The following PRR5 variants were observed in gnomAD, a reference collection of about 807,000 sequenced individuals.
PRR5 encodes proline rich 5.
PRR5 carries 25 observed loss-of-function variants against 30.6 expected under a neutral mutation model. That is an observed-to-expected ratio of 0.82 (90% CI 0.60 to 1.14). The LOEUF is 1.14. Among genes scored for constraint, PRR5 ranks in the 50% most tolerant of loss-of-function variants. The probability of loss-of-function intolerance (pLI) is 0.00; values close to 1 mark genes in which losing one functional copy is unlikely to be tolerated. For synonymous variants in PRR5, 286 were observed against 247.1 expected (o/e 1.16, Z -1.48); for missense variants, 600 against 547.1 (o/e 1.10, Z -0.96).
intron 4 of PRR5, 118 bp from the exon 5 acceptor site, chr22:44,731,612 T>C: frequency 1.0e-6 from 1 of 980,042 alleles, no homozygotes; most frequent in Non-Finnish European, 1.6e-6. Flanking sequence ...GGGCAGGTGC[T>C]GCCAGGGGCC....
chr22:44,729,655 C>T, intron 4 of PRR5: 1 of 985,458 alleles, frequency 1.0e-6, no homozygotes, highest in Non-Finnish European at 1.2e-6. Context: ...AACCCTACTG[C>T]CCCACAGAGG....
At chr22:44,716,075 GC>G (rs1297636948) in intron 2 of PRR5, among the ~76,000 whole-genome samples, 1 of 152,194 alleles carries the variant, frequency 6.6e-6, no homozygotes, top group African/African-American at 2.4e-5. Flanking sequence ...TTGGTAATTG[GC>G]TGATTCTTGC....
intron 1 of PRR5, chr22:44,679,975 T>C: frequency 4.0e-6 from 5 of 1,263,630 alleles, no homozygotes; most frequent in Non-Finnish European, 5.5e-6. Context: ...GAAAGGTGAG[T>C]AGGACGGCGA....
At chr22:44,722,785 G>A (rs1373687087) in intron 2 of PRR5, among the ~76,000 whole-genome samples, 1 of 152,114 alleles carries the variant, frequency 6.6e-6, no homozygotes, top group Non-Finnish European at 1.5e-5. Flanking sequence ...GGTGGCCAGG[G>A]GCACAGTGAA....
rs11914060 is a variant in PRR5 at position 44,729,233 on chromosome 22, C to T, written c.323-2497C>T. On this transcript the variant is annotated intron_variant, in intron 4 of 7. Coordinates refer to ENST00000336985, the MANE Select transcript of PRR5 (RefSeq NM_181333.4). ...GACACCCTTGACCTGGTCCACCCAG[C>T]GCGTGGCTTTTGTCACTGCCCTGCG... 6.0e-3 allele frequency: 5,212 copies of T among 872,600 alleles called. 205 individuals are homozygous for T. In the African/African-American group the frequency reaches 0.083, roughly 14 times the overall value. The allele number at this position is 872,600 out of a possible 1,614,324, so 54.1% of individuals were successfully genotyped here. A position where few individuals can be genotyped will look rare whatever the true frequency, so the allele number is the denominator to read the frequency against.
chr22:44,701,475 A>G (rs1375655416), upstream of PRR5, among the ~76,000 whole-genome samples: 1 of 152,270 alleles, frequency 6.6e-6, no homozygotes, highest in East Asian at 1.9e-4. Flanking sequence ...GTTCATGTGA[A>G]ATCAGACATC....
intron 2 of PRR5, among the ~76,000 whole-genome samples, chr22:44,718,458 G>A (rs1929443799): frequency 6.6e-6 from 1 of 152,144 alleles, no homozygotes; most frequent in Non-Finnish European, 1.5e-5. Context: ...GCCTCCCAAA[G>A]TGCTGGGGTT....
rs893493030 is a variant in PRR5, at chr22:44,691,466, C to A, written c.-10-11026C>A. ...GCCCCTGGCACGCCTGGAGCTGACT[C>A]CTCCTGCCCCTGTGAAGAGTTGGGG... is the stretch of plus-strand genomic sequence containing the variant. On this transcript the variant is annotated intron_variant, in intron 1 of 8. Transcript: ENST00000006251. The surrounding 1 kb of genome is among the most constrained non-coding windows in gnomAD (Gnocchi z 4.4). Among the ~76,000 whole-genome samples the A allele has an allele frequency of 1.3e-5, 2 of 152,260 alleles. No individual in the cohort carries two copies. The highest frequency in any genetic ancestry group is 1.5e-5 in the Non-Finnish European group (1 of 68,014).
At chr22:44,683,031 G>T (rs1446647429) in intron 1 of PRR5, among the ~76,000 whole-genome samples, 1 of 152,208 alleles carries the variant, frequency 6.6e-6, no homozygotes, top group East Asian at 1.9e-4. Flanking sequence ...TAAGTGAAGG[G>T]TGAGCATGTG....
chr22:44,676,032 T>G (rs768556303), upstream of PRR5, among the ~76,000 whole-genome samples: 14 of 151,724 alleles, frequency 9.2e-5, no homozygotes, highest in Non-Finnish European at 1.5e-4. Context: ...TTGTAGAAAC[T>G]GGCTCAGATG....
chr22:44,734,889 TG>T, intron 6 of PRR5, 137 bp from the exon 7 acceptor site: 1 of 1,252,666 alleles, frequency 8.0e-7, no homozygotes, highest in Non-Finnish European at 1.1e-6. Context: ...GGCCCTGCCA[TG>T]GGGACAGAGA....
intron 1 of PRR5, among the ~76,000 whole-genome samples, chr22:44,688,294 G>A (rs984949781): frequency 2.6e-5 from 4 of 152,046 alleles, no homozygotes; most frequent in African/African-American, 4.8e-5. Context: ...TGAGGCAGGA[G>A]AATCGCTTGA....
chr22:44,697,898 A>G (rs992331966), upstream of PRR5, among the ~76,000 whole-genome samples: 5 of 152,116 alleles, frequency 3.3e-5, no homozygotes, highest in African/African-American at 4.8e-5. Context: ...TATCATGCCT[A>G]TAGTACCCCT....
chr22:44,711,854 C>T (rs1186614367), intron 1 of PRR5, among the ~76,000 whole-genome samples: 3 of 152,160 alleles, frequency 2.0e-5, no homozygotes, highest in Non-Finnish European at 4.4e-5. Flanking sequence ...ATCTCCACTG[C>T]CTCCAACCCA....
At chr22:44,724,061 T>C (rs1402663549) in intron 2 of PRR5, among the ~76,000 whole-genome samples, 2 of 152,222 alleles carry the variant, frequency 1.3e-5, no homozygotes, top group Admixed American at 1.3e-4. Flanking sequence ...CAGCAGAGCT[T>C]GTACTTAACC....
chr22:44,695,484 G>A (rs938854367), intron 1 of PRR5, among the ~76,000 whole-genome samples: 3 of 152,076 alleles, frequency 2.0e-5, no homozygotes, highest in African/African-American at 7.2e-5. Flanking sequence ...GCAAGGTTGT[G>A]GTTTTTTAGA....
chr22:44,702,425 G>T lies in PRR5; in HGVS notation c.-50G>T. ...GGGGCCCTTGGTGCGGCGTGGCGCA[G>T]GGCGCGGCGTGGGGCGCGCGTGGGC... is the stretch of plus-strand genomic sequence containing the variant. On this transcript the variant is annotated 5_prime_UTR_variant, in exon 1 of 8. In the 5' UTR this introduces an upstream ATG that the reference lacks. Coordinates refer to ENST00000336985, the MANE Select transcript of PRR5 (RefSeq NM_181333.4). The T allele has an allele frequency of 7.9e-7, 1 of 1,262,362 alleles. No individual in the cohort carries two copies. The highest frequency in any genetic ancestry group is 1.0e-6 in the Non-Finnish European group (1 of 1,002,536). The allele number at this position is 1,262,362 out of a possible 1,614,324, so 78.2% of individuals were successfully genotyped here.
chr22:44,682,332 G>A (rs1450446260), intron 1 of PRR5, among the ~76,000 whole-genome samples: 2 of 152,180 alleles, frequency 1.3e-5, no homozygotes, highest in Non-Finnish European at 2.9e-5. Flanking sequence ...GGCAGACGGT[G>A]GAGAGAATGG....
rs1925267114 is a variant in PRR5, at chr22:44,691,821, A to C, written c.-10-10671A>C. 1.3e-5 allele frequency among the ~76,000 whole-genome samples: 2 copies of C among 150,134 alleles called. No homozygotes were observed. The highest frequency in any genetic ancestry group is 2.4e-5 in the African/African-American group (1 of 40,914). ...TCCACCAAGTTTTTTCCAGATGAGG[A>C]CTCCTTGGTAGCAGAAGTGGGGGCA... On this transcript the variant is annotated intron_variant, in intron 1 of 8. Transcript: ENST00000006251. The surrounding 1 kb of genome is among the most constrained non-coding windows in gnomAD (Gnocchi z 4.4).
Sources: gnomAD v4.1 joint callset for allele counts (sites outside exome capture counted in the v4.1 genomes callset) on GRCh38, gnomAD v4.1.1 for gene constraint, Gnocchi (gnomAD v3.1) non-coding constraint, MANE v1.5 for transcripts, NCBI Gene and HGNC (gene_info 2026-07-23, HGNC 2026-07-21) for gene names.